Variants in TRIM37 observed in about 807,000 individuals in gnomAD.
TRIM37 encodes E3 ubiquitin-protein ligase TRIM37.
Under a neutral mutation model 129.8 loss-of-function variants are expected in TRIM37, and 80 were observed. The observed-to-expected ratio is 0.62, with a 90% confidence interval of 0.51 to 0.74. TRIM37 has a LOEUF of 0.74. Ranked by LOEUF, TRIM37 falls within the 30% of genes least tolerant of loss-of-function variation. The probability of loss-of-function intolerance (pLI) is 0.00; values close to 1 mark genes in which losing one functional copy is unlikely to be tolerated. For synonymous variants in TRIM37, 389 were observed against 387.1 expected (o/e 1.00, Z -0.06); for missense variants, 1,054 against 1,176.5 (o/e 0.90, Z 1.52).
rs1375092180 is a variant in TRIM37, at chr17:59,070,877, T to G, written c.755A>C (p.His252Pro). ...AACAAAAGATGCCATGGGCTTCCGA[T>G]GAACTTGCTGAAACATCATAAGGAT... ...SEILMMFQQV[H>P]RKPMASFVTT... Residue 252 changes from histidine to proline, a missense_variant, in exon 9 of 24, where the codon CAT becomes CCT. Physicochemically the swap from His to Pro is moderately conservative, Grantham distance 77 (BLOSUM62 -2). Transcript: ENST00000262294. 6.2e-7 allele frequency: 1 copy of G among 1,614,106 alleles called. No homozygotes were observed. The highest frequency in any genetic ancestry group is 2.2e-5 in the East Asian group (1 of 44,872).
At chr17:58,982,954 A>C (rs184147603) in intron 24 of TRIM37, 3 of 1,559,266 alleles carry the variant, frequency 1.9e-6, no homozygotes, top group Non-Finnish European at 2.6e-6. Flanking sequence ...GCAGCAGACT[A>C]TTGGTACACA....
chr17:59,059,189 T>G (rs923675222), intron 12 of TRIM37: 3 of 152,130 alleles, frequency 2.0e-5, no homozygotes, highest in Non-Finnish European at 2.9e-5. Flanking sequence ...CTGGCCAATA[T>G]GGTGAAACCC....
At chr17:59,063,817 C>T (rs1445738499) in intron 10 of TRIM37, among the ~76,000 whole-genome samples, 4 of 152,188 alleles carry the variant, frequency 2.6e-5, no homozygotes, top group African/African-American at 9.6e-5. Flanking sequence ...TGTCCAGCCC[C>T]CCACCTTAGT....
chr17:59,031,954 A>G lies in TRIM37; in HGVS notation c.1890T>C (p.Ser630=). Residue 630 remains serine, a synonymous_variant, in exon 18 of 24, where the codon AGT becomes AGC. Transcript: ENST00000262294. ...GCTGTAAGCCCCACAAATTTTCTAT[A>G]CTGCTCCGGTCCTTAAGGTCCAACA... ...IHLLDLKDRS[S]IENLWGLQPR... 1.2e-6 allele frequency: 2 copies of G among 1,614,148 alleles called. No homozygotes were observed. Among genetic ancestry groups the G allele is most frequent in the Non-Finnish European group, 1.7e-6 (2 of 1,180,006 alleles).
At chr17:59,052,163 G>A (rs983450846) in intron 13 of TRIM37, among the ~76,000 whole-genome samples, 10 of 150,072 alleles carry the variant, frequency 6.7e-5, no homozygotes, top group Admixed American at 4.0e-4. Context: ...ACATAAAATC[G>A]TATTAATATA....
intron 21 of TRIM37, among the ~76,000 whole-genome samples, chr17:59,014,431 C>T (rs1256037091): frequency 6.6e-6 from 1 of 152,158 alleles, no homozygotes; most frequent in South Asian, 2.1e-4. Context: ...TCCATAATCA[C>T]TCTATCTTTT....
At position 59,075,649 on chromosome 17, in the gene TRIM37, G is replaced by A. The variant is rs1266963886; in HGVS notation, c.682C>T (p.Gln228Ter). ...CATTACATTTAATATTTCATCACCT[G>A]GTGCTCCACCTCCTGAAGTAAGGAT... The part of the protein sequence containing the change: ...LESLLQEVEH[Q>*]LRSCSKSELI... Residue 228 changes from glutamine to a stop codon, truncating the protein, a stop_gained and splice_region_variant, in exon 8 of 24, where the codon CAG becomes TAG. Coordinates refer to ENST00000262294, the MANE Select transcript of TRIM37 (RefSeq NM_015294.6). LOFTEE classifies it high-confidence loss of function. The A allele has an allele frequency of 6.2e-7, 1 of 1,600,744 alleles. No individual in the cohort carries two copies. The highest frequency in any genetic ancestry group is 8.5e-7 in the Non-Finnish European group (1 of 1,170,164).
intron 8 of TRIM37, among the ~76,000 whole-genome samples, chr17:59,074,453 T>TA (rs1407611073): frequency 6.6e-6 from 1 of 152,138 alleles, no homozygotes; most frequent in Admixed American, 6.5e-5. Context: ...TGAAGAAAAA[T>TA]AAGAGTATTT....
chr17:59,006,819 G>A (rs2034544698), intron 22 of TRIM37, among the ~76,000 whole-genome samples: 2 of 152,058 alleles, frequency 1.3e-5, no homozygotes, highest in Admixed American at 6.6e-5. Flanking sequence ...AACCTGGGAG[G>A]TGGAGGTAAC....
At chr17:59,029,098 T>A (rs1400736117) in intron 18 of TRIM37, among the ~76,000 whole-genome samples, 1 of 152,180 alleles carries the variant, frequency 6.6e-6, no homozygotes, top group Admixed American at 6.5e-5. Flanking sequence ...AACCAAATAC[T>A]TTGTCAAATC....
chr17:59,001,887 G>A lies in TRIM37; in HGVS notation c.2696-173C>T, dbSNP rs907790310. The stretch of plus-strand genomic sequence containing the variant: ...AGACAAAAGTAACCGCACAAACCTC[G>A]ATTCTCTTTAGCTATTTAGAGTGGT... On this transcript the variant is annotated intron_variant, in intron 22 of 23. Coordinates refer to ENST00000262294, the MANE Select transcript of TRIM37 (RefSeq NM_015294.6). The A allele has an allele frequency of 1.2e-5, 11 of 944,660 alleles. 1 individual carries two copies. The highest frequency in any genetic ancestry group is 4.7e-5 in the South Asian group (3 of 63,202). 58.5% of individuals were successfully genotyped at this position (944,660 alleles called of 1,614,324 possible). A position where few individuals can be genotyped will look rare whatever the true frequency, so the allele number is the denominator to read the frequency against.
chr17:59,013,313 T>C (rs2035533355), intron 21 of TRIM37, among the ~76,000 whole-genome samples: 1 of 152,048 alleles, frequency 6.6e-6, no homozygotes, highest in South Asian at 2.1e-4. Flanking sequence ...CCGGCAATTT[T>C]TGTACTTTGT....
At position 59,041,915 on chromosome 17, in the gene TRIM37, T is replaced by C. The variant is rs752146595; in HGVS notation, c.1668-17A>G. The C allele has an allele frequency of 5.7e-6, 9 of 1,580,100 alleles. No individual in the cohort carries two copies. In the Admixed American group the frequency reaches 1.5e-4, roughly 26 times the overall value. On this transcript the variant is annotated splice_polypyrimidine_tract_variant and intron_variant, in intron 16 of 23. Coordinates refer to ENST00000262294, the MANE Select transcript of TRIM37 (RefSeq NM_015294.6). ...TCTCCAGACCTAAGAATATACAAAATCCATCATTTATATAGAGTGATACAA... is the reference window on the plus strand; with the variant it reads ...TCTCCAGACCTAAGAATATACAAAACCCATCATTTATATAGAGTGATACAA...
chr17:59,028,857 C>T, intron 18 of TRIM37, 134 bp from the exon 19 acceptor site: 1 of 827,460 alleles, frequency 1.2e-6, no homozygotes, highest in Middle Eastern at 3.4e-4. Flanking sequence ...AAAACATGCA[C>T]TAAATTCCAT....
At chr17:59,022,136 G>C (rs1182474385) in intron 19 of TRIM37, among the ~76,000 whole-genome samples, 1 of 151,988 alleles carries the variant, frequency 6.6e-6, no homozygotes, top group Non-Finnish European at 1.5e-5. Flanking sequence ...AACAAGCACA[G>C]AATTAGAACT....
At chr17:59,042,594 C>G (rs1018097481) in intron 16 of TRIM37, among the ~76,000 whole-genome samples, 7 of 151,036 alleles carry the variant, frequency 4.6e-5, no homozygotes, top group African/African-American at 1.7e-4. Context: ...AAAACCCTGT[C>G]TCTCCTAAAA....
the TRIM37 span, among the ~76,000 whole-genome samples, chr17:58,968,445 G>T: frequency 6.6e-6 from 1 of 152,018 alleles, no homozygotes; most frequent in Non-Finnish European, 1.5e-5. Flanking sequence ...TAAATAAAAA[G>T]AACTTTTTCA....
chr17:59,056,967 A>G lies in TRIM37; in HGVS notation c.1107T>C (p.Val369=). 6.2e-7 allele frequency: 1 copy of G among 1,613,866 alleles called. No homozygotes were observed. The highest frequency in any genetic ancestry group is 8.5e-7 in the Non-Finnish European group (1 of 1,179,892). The change falls in exon 13 of 24, where the codon GTT becomes GTC. Residue 369 remains valine, a synonymous_variant. Coordinates refer to ENST00000262294, the MANE Select transcript of TRIM37 (RefSeq NM_015294.6). ...IIREFASDFE[V]GECWGYNRFF... ...ATCTATTATAGCCCCAGCATTCTCC[A>G]ACTTCAAAGTCAGATGCAAATTCTC...
intron 4 of TRIM37, among the ~76,000 whole-genome samples, chr17:59,087,551 T>C (rs2043880301): frequency 6.7e-6 from 1 of 149,648 alleles, no homozygotes; most frequent in Admixed American, 6.7e-5. Flanking sequence ...TGCCTGAGCC[T>C]CCCAAGTATC....
Sources: gnomAD v4.1 joint callset for allele counts (sites outside exome capture counted in the v4.1 genomes callset) on GRCh38, gnomAD v4.1.1 for gene constraint, MANE v1.5 for transcripts, NCBI Gene and HGNC (gene_info 2026-07-23, HGNC 2026-07-21) for gene names.